EPHX2: variants seen among roughly 807,000 people sequenced by gnomAD.
The protein encoded by EPHX2 is epoxide hydrolase 2, also known as bifunctional epoxide hydrolase 2.
In EPHX2, 74 loss-of-function variants were observed where a neutral mutation model predicts 78.7. The ratio of observed to expected loss-of-function variants is 0.94; its 90% CI spans 0.78 to 1.14. The LOEUF (loss-of-function observed/expected upper bound fraction) is 1.14, where lower values mean the gene tolerates loss of function less well. Ranked by LOEUF, EPHX2 falls within the 50% of genes most tolerant of loss-of-function variation. The pLI, the probability that EPHX2 is intolerant of heterozygous loss-of-function variation, is 0.00. For missense variants in EPHX2, 715 were observed against 702.5 expected (o/e 1.02, Z -0.20); for synonymous variants, 251 against 255.2 (o/e 0.98, Z 0.16).
At chr8:27,521,684 G>A (rs1373402990) in intron 10 of EPHX2, among the ~76,000 whole-genome samples, 3 of 152,224 alleles carry the variant, frequency 2.0e-5, no homozygotes, top group Non-Finnish European at 4.4e-5. Flanking sequence ...GTGTGATGGG[G>A]ACAGGGAACA....
chr8:27,515,605 A>G (rs1814416985), intron 6 of EPHX2, 113 bp from the exon 7 acceptor site: 2 of 852,608 alleles, frequency 2.3e-6, no homozygotes, highest in East Asian at 5.3e-5. Context: ...AATCTGGGTC[A>G]TGCACAATCC....
rs1259030996 is a variant in EPHX2, at chr8:27,511,847, C to T, written c.672C>T (p.Thr224=). The change falls in exon 6 of 19, where the codon ACC becomes ACT. Residue 224 remains threonine, a synonymous_variant. Coordinates refer to ENST00000521400, the MANE Select transcript of EPHX2 (RefSeq NM_001979.6). The stretch of plus-strand genomic sequence containing the variant: ...TTTCCTGCTTACAGCTTCTCAATAC[C>T]CCGGCCCCTCTGCCGACCTCTTGCA... ...EKVTGIQLLN[T]PAPLPTSCNP... 6.2e-7 allele frequency: 1 copy of T among 1,613,998 alleles called. No individual in the cohort carries two copies. Among genetic ancestry groups the T allele is most frequent in the Non-Finnish European group, 8.5e-7 (1 of 1,180,016 alleles).
At chr8:27,543,532 C>T (rs1314459739) in intron 16 of EPHX2, among the ~76,000 whole-genome samples, 2 of 152,188 alleles carry the variant, frequency 1.3e-5, no homozygotes, top group African/African-American at 2.4e-5. Flanking sequence ...CACGTTCTCA[C>T]TCACACACAT....
chr8:27,536,948 C>A, intron 13 of EPHX2, 93 bp downstream of exon 13: 1 of 1,336,748 alleles, frequency 7.5e-7, no homozygotes, highest in Non-Finnish European at 1.0e-6. Context: ...GAGTAGCAAT[C>A]TGGCCTCCTT....
intron 1 of EPHX2, chr8:27,492,899 C>A (rs1813432865): frequency 6.5e-6 from 1 of 153,762 alleles, no homozygotes; most frequent in Admixed American, 6.5e-5. Context: ...TAACAGGACA[C>A]CCCACCTGCT....
rs537780623 is a variant in EPHX2 at position 27,514,170 on chromosome 8, G to C, written c.736-1548G>C. On this transcript the variant is annotated intron_variant, in intron 6 of 18. Transcript: ENST00000521400. Reference sequence around the variant, plus strand: ...CCCCATCTCTAAAATTAGCTGGGGTGGTGGTATGCATCTGTGGTCCCAGCT... The same window carrying C: ...CCCCATCTCTAAAATTAGCTGGGGTCGTGGTATGCATCTGTGGTCCCAGCT... 3.3e-5 allele frequency among the ~76,000 whole-genome samples: 5 copies of C among 152,160 alleles called. No individual in the cohort carries two copies. In the South Asian group the frequency reaches 1.0e-3, roughly 32 times the overall value.
Position 27,525,446 on chromosome 8 carries a change from T to A in EPHX2, c.1143T>A (p.Phe381Leu). ...AGAGTATCAAAGCCAACCCAGTATT[T>A]GATTACCAGCTCTACTTCCAAGAAC... is the stretch of plus-strand genomic sequence containing the variant. ...PLESIKANPVFDYQLYFQEPG... is the reference protein window; with the variant it reads ...PLESIKANPVLDYQLYFQEPG... Residue 381 changes from phenylalanine to leucine, a missense_variant, in exon 12 of 19, where the codon TTT (phenylalanine) becomes TTA (leucine). Transcript: ENST00000521400. 6.2e-7 allele frequency: 1 copy of A among 1,614,166 alleles called. No homozygotes were observed. Among genetic ancestry groups the A allele is most frequent in the Non-Finnish European group, 8.5e-7 (1 of 1,180,008 alleles).
In EPHX2 at chr8:27,540,601, G is replaced by C. The variant is rs562224130; in HGVS notation, c.1324G>C (p.Val442Leu). 75 of 1,614,168 alleles carry C rather than the reference G, an allele frequency of 4.6e-5. 1 individual carries two copies. In the South Asian group the frequency reaches 7.1e-4, roughly 15 times the overall value. ...SPEEPSLSRM[V>L]TEEEIQFYVQ... ...AGAAGAGCCCAGCCTCAGCAGGATG[G>C]TCACTGAGGAGGAAATCCAGTTCTA... Residue 442 changes from valine (V) to leucine (L), a missense_variant, in exon 15 of 19, where the codon GTC becomes CTC. Val to Leu is a conservative substitution (Grantham distance 32). Transcript: ENST00000521400.
At chr8:27,515,449 G>A in intron 6 of EPHX2, 2 of 446,308 alleles carry the variant, frequency 4.5e-6, no homozygotes, top group Non-Finnish European at 8.2e-6. Context: ...AAGGAGAAGT[G>A]TGTTGTTTTG....
intron 12 of EPHX2, among the ~76,000 whole-genome samples, chr8:27,534,797 T>C (rs1815157747): frequency 6.6e-6 from 1 of 152,198 alleles, no homozygotes; most frequent in African/African-American, 2.4e-5. Flanking sequence ...GAGAACAGGA[T>C]GAGTCCCCAC....
At chr8:27,544,400 G>A (rs1422403665) in intron 18 of EPHX2, 44 bp from the exon 19 acceptor site, 11 of 1,611,586 alleles carry the variant, frequency 6.8e-6, no homozygotes, top group South Asian at 3.3e-5. Flanking sequence ...GTGCAGACAA[G>A]TGTGAATGGC....
intron 16 of EPHX2, among the ~76,000 whole-genome samples, chr8:27,543,243 G>C (rs2132808576): frequency 6.6e-6 from 1 of 152,076 alleles, no homozygotes; most frequent in South Asian, 2.1e-4. Flanking sequence ...TTAGGGTAAT[G>C]GTGGAGCGAG....
intron 1 of EPHX2, among the ~76,000 whole-genome samples, chr8:27,498,807 G>A (rs530708476): frequency 2.6e-5 from 4 of 152,172 alleles, no homozygotes; most frequent in African/African-American, 4.8e-5. Context: ...GGAATGTGGT[G>A]ATGCTTACAC....
At chr8:27,509,857 G>A (rs1338802454) in intron 5 of EPHX2, among the ~76,000 whole-genome samples, 1 of 152,212 alleles carries the variant, frequency 6.6e-6, no homozygotes, top group Non-Finnish European at 1.5e-5. Context: ...AAACATATAA[G>A]ATGATTATTA....
Position 27,505,721 on chromosome 8 carries a change from G to C in EPHX2, c.537+575G>C, listed in dbSNP as rs185084617. ...GCAAACCCTGAACTCTAGCCTTGGA[G>C]TCCTCACCATGCTGCATCCTGGGAC... On this transcript the variant is annotated intron_variant, in intron 4 of 18. Coordinates refer to ENST00000521400, the MANE Select transcript of EPHX2 (RefSeq NM_001979.6). Among the ~76,000 whole-genome samples, 22 of 152,212 alleles carry C rather than the reference G, an allele frequency of 1.4e-4. 1 individual carries two copies. In the East Asian group the frequency reaches 3.5e-3, roughly 24 times the overall value.
intron 12 of EPHX2, among the ~76,000 whole-genome samples, chr8:27,530,949 G>C (rs1815019942): frequency 6.6e-6 from 1 of 151,776 alleles, no homozygotes; most frequent in Admixed American, 6.6e-5. Context: ...TTTTAGTAGA[G>C]ATGGGGTTTC....
At chr8:27,527,209 G>A (rs1307827530) in intron 12 of EPHX2, among the ~76,000 whole-genome samples, 3 of 151,890 alleles carry the variant, frequency 2.0e-5, no homozygotes, top group Non-Finnish European at 2.9e-5. Context: ...TGCCCGCCTC[G>A]GCCTCCCAAA....
intron 17 of EPHX2, 39 bp downstream of exon 17, chr8:27,543,868 C>T (rs191555241): frequency 6.2e-7 from 1 of 1,606,642 alleles, no homozygotes; most frequent in African/African-American, 1.3e-5. Flanking sequence ...TCAGTGCACC[C>T]CGGGAGAGGG....
intron 5 of EPHX2, among the ~76,000 whole-genome samples, chr8:27,509,242 A>G (rs780030119): frequency 4.6e-5 from 7 of 152,050 alleles, no homozygotes; most frequent in Non-Finnish European, 1.0e-4. Flanking sequence ...ATTCCACTGT[A>G]TGGATAGATC....
Sources: gnomAD v4.1 joint callset for allele counts (sites outside exome capture counted in the v4.1 genomes callset) on GRCh38, gnomAD v4.1.1 for gene constraint, MANE v1.5 for transcripts, NCBI Gene and HGNC (gene_info 2026-07-23, HGNC 2026-07-21) for gene names.